The following ADIPOR2 variants were observed in gnomAD, a reference collection of about 807,000 sequenced individuals.
ADIPOR2 encodes adiponectin receptor protein 2.
ADIPOR2 carries 18 observed loss-of-function variants against 40.9 expected under a neutral mutation model. The observed-to-expected ratio is 0.44, with a 90% CI of 0.30 to 0.65. The LOEUF is 0.65. Ranked by LOEUF, ADIPOR2 falls within the 30% of genes least tolerant of loss-of-function variation. The probability of loss-of-function intolerance (pLI) is 0.09; values close to 1 mark genes in which losing one functional copy is unlikely to be tolerated. For missense variants in ADIPOR2, 283 were observed against 479.2 expected (o/e 0.59, Z 3.82); for synonymous variants, 165 against 166.4 (o/e 0.99, Z 0.06).
chr12:1,723,984 CT>C (rs755722890), intron 1 of ADIPOR2, among the ~76,000 whole-genome samples: 426 of 143,646 alleles, frequency 3.0e-3, no homozygotes, highest in Middle Eastern at 3.6e-3. Flanking sequence ...AAAATGGAAT[CT>C]TTTTTTTTTT....
chr12:1,710,564 G>T (rs577794638), intron 1 of ADIPOR2, among the ~76,000 whole-genome samples: 2 of 152,188 alleles, frequency 1.3e-5, no homozygotes, highest in South Asian at 4.1e-4. Context: ...CCGGACTAAA[G>T]ACACGGGTGT....
chr12:1,786,383 A>G lies in ADIPOR2; in HGVS notation c.*311A>G. ...CAAACTGGCTTCTGATCCATATCAT[A>G]TTTATTTGTAGAAGATGGCGAAACA... is the stretch of plus-strand genomic sequence containing the variant. On this transcript the variant is annotated 3_prime_UTR_variant, in exon 8 of 8. Transcript: ENST00000357103. The G allele has an allele frequency of 3.7e-6, 1 of 270,008 alleles. No individual in the cohort carries two copies. The highest frequency in any genetic ancestry group is 7.0e-6 in the Non-Finnish European group (1 of 142,638). The allele number at this position is 270,008 out of a possible 1,614,324, so 16.7% of individuals were successfully genotyped here. A position where few individuals can be genotyped will look rare whatever the true frequency, so the allele number is the denominator to read the frequency against.
At position 1,787,752 on chromosome 12, in the gene ADIPOR2, CTATT is replaced by C. The variant is rs1862868481; in HGVS notation, c.*1685_*1688del. The C allele has an allele frequency of 6.6e-6, 1 of 152,238 alleles. No homozygotes were observed. Among genetic ancestry groups the C allele is most frequent in the Non-Finnish European group, 1.5e-5 (1 of 68,044 alleles). The allele number at this position is 152,238 out of a possible 1,614,324, so 9.4% of individuals were successfully genotyped here. A position where few individuals can be genotyped will look rare whatever the true frequency, so the allele number is the denominator to read the frequency against. ...TGTTTGGGAATATGGGAAGGGTCTCCTATTTATTCAATAGAGTTTTCTCAGTTAT... is the reference window on the plus strand; with the variant it reads ...TGTTTGGGAATATGGGAAGGGTCTCCTATTCAATAGAGTTTTCTCAGTTAT... On this transcript the variant is annotated 3_prime_UTR_variant, in exon 8 of 8. Transcript: ENST00000357103.
chr12:1,692,639 AGTTT>A (rs2094629460), intron 1 of ADIPOR2, among the ~76,000 whole-genome samples: 1 of 151,182 alleles, frequency 6.6e-6, no homozygotes, highest in South Asian at 2.1e-4. Context: ...CCTAAAAGAG[AGTTT>A]GTTTTTTTTT....
intron 1 of ADIPOR2, among the ~76,000 whole-genome samples, chr12:1,745,623 TC>T (rs895266491): frequency 6.6e-5 from 10 of 152,220 alleles, no homozygotes; most frequent in Admixed American, 5.9e-4. Flanking sequence ...CAATGAATTA[TC>T]CTATTTATAA....
chr12:1,766,726 A>T (rs1013208347), intron 2 of ADIPOR2, among the ~76,000 whole-genome samples: 1 of 152,104 alleles, frequency 6.6e-6, no homozygotes, highest in African/African-American at 2.4e-5. Flanking sequence ...AGCTTTCAAG[A>T]TATTAGGTTG....
At chr12:1,759,950 C>G (rs1410441744) in intron 2 of ADIPOR2, among the ~76,000 whole-genome samples, 1 of 151,960 alleles carries the variant, frequency 6.6e-6, no homozygotes, top group Non-Finnish European at 1.5e-5. Context: ...CGCTTGAACC[C>G]AGGAGGTGGA....
chr12:1,723,904 A>G (rs1359547428), intron 1 of ADIPOR2, among the ~76,000 whole-genome samples: 1 of 152,126 alleles, frequency 6.6e-6, no homozygotes, highest in Non-Finnish European at 1.5e-5. Context: ...CATTATTGAC[A>G]AATGCTGGAA....
intron 1 of ADIPOR2, among the ~76,000 whole-genome samples, chr12:1,725,995 C>G (rs2094707178): frequency 6.6e-6 from 1 of 152,092 alleles, no homozygotes; most frequent in African/African-American, 2.4e-5. Flanking sequence ...CCTTATGGAA[C>G]CTACAATCTG....
chr12:1,728,958 GTTTT>G (rs66842156), intron 1 of ADIPOR2, among the ~76,000 whole-genome samples: 2 of 110,020 alleles, frequency 1.8e-5, no homozygotes, highest in Admixed American at 9.8e-5. Context: ...GTTCTGGACT[GTTTT>G]TTTTTTTTTT....
At chr12:1,726,665 C>T (rs1592591432) in intron 1 of ADIPOR2, among the ~76,000 whole-genome samples, 2 of 107,394 alleles carry the variant, frequency 1.9e-5, no homozygotes, top group East Asian at 4.7e-4. Context: ...CTCCTTTGTA[C>T]AGCTTTTTTT....
At position 1,762,882 on chromosome 12, in the gene ADIPOR2, A is replaced by G. The variant is rs557184328; in HGVS notation, c.171+8368A>G. Reference sequence around the variant, plus strand: ...GGCAGGGTTTTCTTTTCATTGGTTTATTGTAAAAAGTGCGATATGGCAATT... The same window carrying G: ...GGCAGGGTTTTCTTTTCATTGGTTTGTTGTAAAAAGTGCGATATGGCAATT... On this transcript the variant is annotated intron_variant, in intron 2 of 7. Coordinates refer to ENST00000357103, the MANE Select transcript of ADIPOR2 (RefSeq NM_024551.3). Among the ~76,000 whole-genome samples, 36 of 152,282 alleles carry G rather than the reference A, an allele frequency of 2.4e-4. No individual in the cohort carries two copies. In the South Asian group the frequency reaches 7.5e-3, roughly 32 times the overall value.
intron 2 of ADIPOR2, among the ~76,000 whole-genome samples, chr12:1,760,071 T>C (rs1433770303): frequency 6.6e-6 from 1 of 150,390 alleles, no homozygotes; most frequent in East Asian, 1.9e-4. Flanking sequence ...ACAACCTCCT[T>C]CCCGTAGGAG....
intron 1 of ADIPOR2, among the ~76,000 whole-genome samples, chr12:1,718,265 G>A (rs1232648019): frequency 6.6e-6 from 1 of 151,960 alleles, no homozygotes; most frequent in Non-Finnish European, 1.5e-5. Flanking sequence ...TAATCTGAAT[G>A]CATTCGAGAT....
Position 1,788,630 on chromosome 12 carries a change from C to G in ADIPOR2, c.*2558C>G, listed in dbSNP as rs752070099. 1 of 152,604 alleles carries G rather than the reference C, an allele frequency of 6.6e-6. No homozygotes were observed. Among genetic ancestry groups the G allele is most frequent in the Non-Finnish European group, 1.5e-5 (1 of 68,026 alleles). 9.5% of individuals were successfully genotyped at this position (152,604 alleles called of 1,614,324 possible). A position where few individuals can be genotyped will look rare whatever the true frequency, so the allele number is the denominator to read the frequency against. On this transcript the variant is annotated 3_prime_UTR_variant, in exon 8 of 8. Coordinates refer to ENST00000357103, the MANE Select transcript of ADIPOR2 (RefSeq NM_024551.3). ...ATGGTTCCATTGATGTGGGATTTCC[C>G]TACTTGCTGTATTCTCAGTTTCTAA...
In ADIPOR2 at chr12:1,744,773, G is replaced by A. The variant is rs1048987790; in HGVS notation, c.-86-9485G>A. Among the ~76,000 whole-genome samples, 8 of 152,138 alleles carry A rather than the reference G, an allele frequency of 5.3e-5. No individual in the cohort carries two copies. The East Asian group carries it at 9.7e-4, about 18-fold the overall frequency. ...TATTTATCTTTGGATAGATATGAGG[G>A]GACCTCAAAAAGTTTGTGGAAAAAT... On this transcript the variant is annotated intron_variant, in intron 1 of 7. Transcript: ENST00000357103.
chr12:1,785,441 T>C (rs1168037154), intron 7 of ADIPOR2, among the ~76,000 whole-genome samples: 1 of 152,224 alleles, frequency 6.6e-6, no homozygotes. Context: ...CCACACACCA[T>C]CCTGGAAGCC....
At chr12:1,782,976 C>CTTTTT (rs71055199) in intron 6 of ADIPOR2, among the ~76,000 whole-genome samples, 125 of 109,722 alleles carry the variant, frequency 1.1e-3, no homozygotes, top group Middle Eastern at 5.1e-3. Context: ...TTCTTTCTTT[C>CTTTTT]TTTTTTTTTT....
At chr12:1,699,949 G>A (rs1007014441) in intron 1 of ADIPOR2, among the ~76,000 whole-genome samples, 4 of 152,194 alleles carry the variant, frequency 2.6e-5, no homozygotes, top group South Asian at 4.1e-4. Context: ...TTAGACAAGT[G>A]TCCAGACAGA....
Sources: gnomAD v4.1 joint callset for allele counts (sites outside exome capture counted in the v4.1 genomes callset) on GRCh38, gnomAD v4.1.1 for gene constraint, MANE v1.5 for transcripts, NCBI Gene and HGNC (gene_info 2026-07-23, HGNC 2026-07-21) for gene names.